ARMCX4: variants seen among roughly 807,000 people sequenced by gnomAD.
ARMCX4 encodes armadillo repeat containing X-linked 4, also known as armadillo repeat-containing X-linked protein 4.
In ARMCX4, 3 loss-of-function variants were observed where a neutral mutation model predicts 34.7. The observed-to-expected ratio is 0.09, with a 90% CI of 0.04 to 0.22. The LOEUF (loss-of-function observed/expected upper bound fraction) is 0.22, where lower values mean the gene tolerates loss of function less well. Ranked by LOEUF, ARMCX4 falls within the 10% of genes least tolerant of loss-of-function variation. The pLI is 1.00. For synonymous variants in ARMCX4, 513 were observed against 632.8 expected (o/e 0.81, Z 2.84); for missense variants, 1,448 against 1,720.8 (o/e 0.84, Z 2.81).
chrX:101,441,243 G>C (rs4986639), intron 2 of ARMCX4, among the ~76,000 whole-genome samples: 7,066 of 110,951 alleles, frequency 0.064, 222 homozygotes, highest in South Asian at 0.27. Context: ...CAGCTTTACT[G>C]ATAATGATGC....
At position 101,491,568 on chromosome X, in the gene ARMCX4, C is replaced by T. The variant is rs1343814769; in HGVS notation, c.2979C>T (p.Val993=). 16 of 1,150,543 alleles carry T rather than the reference C, an allele frequency of 1.4e-5. No individual in the cohort carries two copies. Among genetic ancestry groups the T allele is most frequent in the Middle Eastern group, 2.3e-4 (1 of 4,282 alleles). The allele number at this position is 1,150,543 out of a possible 1,213,427, so 94.8% of individuals were successfully genotyped here. A position where few individuals can be genotyped will look rare whatever the true frequency, so the allele number is the denominator to read the frequency against. ...TGGGCTCTGCCCAGCCCCAAGCTGT[C>T]GCTAATTCCCAGAGTGAGACCTTGC... ...DTVGSAQPQA[V]ANSQSETLLG... Residue 993 remains valine (V), a synonymous_variant, in exon 6 of 6, where the codon GTC becomes GTT. Transcript: ENST00000423738.
Position 101,492,721 on chromosome X carries a change from G to T in ARMCX4, c.4132G>T (p.Ala1378Ser), listed in dbSNP as rs1556009974. Residue 1378 changes from alanine to serine, a missense_variant, in exon 6 of 6, where the codon GCT becomes TCT. Physicochemically the swap from Ala to Ser is moderately conservative, Grantham distance 99 (BLOSUM62 1). This residue lies in a region of ARMCX4 where 1,343 missense variants were observed against 1,540.7 expected (regional missense o/e 0.87). Coordinates refer to ENST00000423738, the MANE Select transcript of ARMCX4 (RefSeq NM_001256155.3). ...AGATCAGTCCAGTGGTGGGGCCTGG[G>T]CTGGGACACTTGATCAGTCTGGTGG... is the stretch of plus-strand genomic sequence containing the variant. ...HVDQSSGGAWAGTLDQSGGGS... is the reference protein window; with the variant it reads ...HVDQSSGGAWSGTLDQSGGGS... The T allele has an allele frequency of 8.9e-7, 1 of 1,129,070 alleles. No homozygotes were observed. The highest frequency in any genetic ancestry group is 3.3e-5 in the East Asian group (1 of 30,422). 93.0% of individuals were successfully genotyped at this position (1,129,070 alleles called of 1,213,427 possible).
chrX:101,433,242 A>T (rs1490939943), intron 2 of ARMCX4, among the ~76,000 whole-genome samples: 2 of 25,087 alleles, frequency 8.0e-5, no homozygotes, highest in African/African-American at 1.7e-4. Flanking sequence ...ACACATATGT[A>T]TATATACACA....
At chrX:101,525,268 A>G (rs1421412871) in intron 11 of ARMCX4, among the ~76,000 whole-genome samples, 2 of 112,157 alleles carry the variant, frequency 1.8e-5, no homozygotes, top group Non-Finnish European at 3.8e-5. Context: ...CAGGAATAGC[A>G]TCAACATCAA....
rs1432185024 is a variant in ARMCX4 at position 101,493,797 on chromosome X, G to A, written c.5208G>A (p.Gly1736=). 1 of 1,150,182 alleles carries A rather than the reference G, an allele frequency of 8.7e-7. No individual in the cohort carries two copies. The highest frequency in any genetic ancestry group is 1.1e-6 in the Non-Finnish European group (1 of 871,556). The allele number at this position is 1,150,182 out of a possible 1,213,427, so 94.8% of individuals were successfully genotyped here. The change falls in exon 6 of 6, where the codon GGG becomes GGA. Residue 1736 remains glycine, a synonymous_variant. Coordinates refer to ENST00000423738, the MANE Select transcript of ARMCX4 (RefSeq NM_001256155.3). The stretch of plus-strand genomic sequence containing the variant: ...AGGCCAATGAAGGATTCTGGTTTGG[G>A]CCTGGAGCTGAGGCCGTTATAGGGT... ...EVEANEGFWF[G]PGAEAVIGSW...
At chrX:101,446,116 A>G (rs1390116083) in exon 4 of ARMCX4, 2 of 111,681 alleles carry the variant, frequency 1.8e-5, no homozygotes, top group Non-Finnish European at 3.8e-5. Context: ...GTATTTCTCA[A>G]TTGATATTTT....
chrX:101,437,257 T>A (rs1930858896), intron 2 of ARMCX4, among the ~76,000 whole-genome samples: 1 of 112,058 alleles, frequency 8.9e-6, no homozygotes, highest in South Asian at 3.7e-4. Context: ...AGAATTTGGC[T>A]GTGAATCCAT....
intron 2 of ARMCX4, among the ~76,000 whole-genome samples, chrX:101,440,655 A>T (rs1240440396): frequency 6.3e-5 from 7 of 110,884 alleles, no homozygotes; most frequent in African/African-American, 2.3e-4. Context: ...TTGTTTACCT[A>T]CTCAAGCCTC....
intron 11 of ARMCX4, among the ~76,000 whole-genome samples, chrX:101,529,413 G>T (rs1261857342): frequency 1.8e-5 from 2 of 111,712 alleles, no homozygotes; most frequent in Non-Finnish European, 3.8e-5. Context: ...CATTCAGGAC[G>T]TAGGCATAGT....
chrX:101,527,710 C>T (rs1162067264), intron 11 of ARMCX4, among the ~76,000 whole-genome samples: 6 of 111,836 alleles, frequency 5.4e-5, no homozygotes, highest in African/African-American at 2.0e-4. Context: ...CACCTCTATG[C>T]AAATAAACTA....
downstream of ARMCX4, among the ~76,000 whole-genome samples, chrX:101,449,665 C>A (rs782594699): frequency 1.4e-4 from 16 of 112,002 alleles, no homozygotes; most frequent in Non-Finnish European, 2.4e-4. Context: ...ATTTTGAATT[C>A]TCTGTCTAAA....
chrX:101,491,635 C>T lies in ARMCX4; in HGVS notation c.3046C>T (p.Pro1016Ser). 6 of 1,154,829 alleles carry T rather than the reference C, an allele frequency of 5.2e-6. 1 individual carries two copies. Among genetic ancestry groups the T allele is most frequent in the Non-Finnish European group, 5.7e-6 (5 of 872,323 alleles). ...NKVKGNTIAVPKAGTGAGTRH... is the reference protein window; with the variant it reads ...NKVKGNTIAVSKAGTGAGTRH... Reference sequence around the variant, plus strand: ...GGTCAAGGGCAATACCATTGCTGTGCCTAAAGCAGGGACTGGGGCAGGCAC... The same window carrying T: ...GGTCAAGGGCAATACCATTGCTGTGTCTAAAGCAGGGACTGGGGCAGGCAC... Residue 1016 changes from proline to serine, a missense_variant, in exon 6 of 6, where the codon CCT becomes TCT. Pro to Ser is a moderately conservative substitution (Grantham distance 74). This residue lies in a region of ARMCX4 where 1,343 missense variants were observed against 1,540.7 expected (regional missense o/e 0.87). Transcript: ENST00000423738.
chrX:101,439,275 C>T (rs1931060157), intron 2 of ARMCX4, among the ~76,000 whole-genome samples: 1 of 111,595 alleles, frequency 9.0e-6, no homozygotes, highest in South Asian at 3.7e-4. Flanking sequence ...AAATTCTTTT[C>T]TTTAAGAATG....
intron 11 of ARMCX4, among the ~76,000 whole-genome samples, chrX:101,517,938 A>T: frequency 8.9e-6 from 1 of 112,114 alleles, no homozygotes. Context: ...CTGAGTAAGA[A>T]AAATTTCAGA....
Position 101,493,675 on chromosome X carries a change from G to A in ARMCX4, c.5086G>A (p.Gly1696Arg), listed in dbSNP as rs782399771. Reference protein sequence around the residue: ...GSRPGNEAIGGSRMGSEDQAT... With the variant: ...GSRPGNEAIGRSRMGSEDQAT... The stretch of plus-strand genomic sequence containing the variant: ...TAGGCCTGGGAATGAGGCCATTGGA[G>A]GATCTAGGATGGGATCTGAGGACCA... Residue 1696 changes from glycine (G) to arginine (R), a missense_variant, in exon 6 of 6, where the codon GGA becomes AGA. Gly to Arg is a moderately radical substitution (Grantham distance 125, BLOSUM62 -2). Around this residue, in one of 2 missense-constraint regions of ARMCX4, gnomAD observed 1,343 missense variants for 1,540.7 expected, o/e 0.87. Coordinates refer to ENST00000423738, the MANE Select transcript of ARMCX4 (RefSeq NM_001256155.3). 4.3e-6 allele frequency: 5 copies of A among 1,151,014 alleles called. No individual in the cohort carries two copies. In the African/African-American group the frequency reaches 5.5e-5, roughly 13 times the overall value. The allele number at this position is 1,151,014 out of a possible 1,213,427, so 94.9% of individuals were successfully genotyped here.
chrX:101,518,223 T>G (rs2147711931), intron 11 of ARMCX4, among the ~76,000 whole-genome samples: 1 of 111,592 alleles, frequency 9.0e-6, no homozygotes, highest in East Asian at 2.8e-4. Context: ...AAAGAATTCC[T>G]AAAATTATAG....
intron 11 of ARMCX4, among the ~76,000 whole-genome samples, chrX:101,525,967 C>T (rs1269269576): frequency 9.0e-6 from 1 of 111,355 alleles, no homozygotes; most frequent in Non-Finnish European, 1.9e-5. Flanking sequence ...CATTCAAATT[C>T]AGGAAATACA....
At chrX:101,478,214 C>T (rs1366840570) in intron 4 of ARMCX4, among the ~76,000 whole-genome samples, 1 of 111,911 alleles carries the variant, frequency 8.9e-6, no homozygotes, top group Admixed American at 9.5e-5. Context: ...CATTTACAGA[C>T]AATATAAATG....
At chrX:101,474,996 A>G (rs1459227456) in intron 4 of ARMCX4, among the ~76,000 whole-genome samples, 3 of 108,557 alleles carry the variant, frequency 2.8e-5, no homozygotes, top group African/African-American at 3.4e-5. Context: ...AAAAAAAAAA[A>G]AAAGAAAAAG....
Sources: allele counts gnomAD v4.1 joint callset (sites outside exome capture counted in the v4.1 genomes callset), GRCh38; gene constraint gnomAD v4.1.1; regional missense constraint gnomAD v4.1.1; transcripts MANE v1.5; gene names NCBI Gene and HGNC (gene_info 2026-07-23, HGNC 2026-07-21).